FLVCR1: variants seen among roughly 807,000 people sequenced by gnomAD.
FLVCR1 encodes the protein FLVCR choline and heme transporter 1.
Under a neutral mutation model 53.6 loss-of-function variants are expected in FLVCR1, and 34 were observed. The observed-to-expected ratio is 0.63, with a 90% CI of 0.48 to 0.84. FLVCR1 has a LOEUF of 0.84. Ranked by LOEUF, FLVCR1 falls within the 40% of genes least tolerant of loss-of-function variation. The pLI, the probability that FLVCR1 is intolerant of heterozygous loss-of-function variation, is 0.00. For missense variants in FLVCR1, 677 were observed against 696.7 expected (o/e 0.97, Z 0.32); for synonymous variants, 300 against 286.3 (o/e 1.05, Z -0.48).
At chr1:212,881,301 C>CTTTTTTTTTTT (rs35751115) in intron 3 of FLVCR1, among the ~76,000 whole-genome samples, 2 of 119,682 alleles carry the variant, frequency 1.7e-5, no homozygotes, top group Non-Finnish European at 3.3e-5. Context: ...ATTTCTTTGT[C>CTTTTTTTTTTT]TTTTTTTTTT....
chr1:212,878,561 A>G (rs1260207149), intron 3 of FLVCR1, among the ~76,000 whole-genome samples: 2 of 151,154 alleles, frequency 1.3e-5, no homozygotes, highest in East Asian at 3.9e-4. Flanking sequence ...AAAATACAAG[A>G]GAACCTAGAG....
rs1664096106 is a variant in FLVCR1, at chr1:212,858,529, C to T, written c.77C>T (p.Pro26Leu). 2 of 1,460,838 alleles carry T rather than the reference C, an allele frequency of 1.4e-6. No homozygotes were observed. Among genetic ancestry groups the T allele is most frequent in the Admixed American group, 2.6e-5 (1 of 38,036 alleles). The allele number at this position is 1,460,838 out of a possible 1,614,324, so 90.5% of individuals were successfully genotyped here. A position where few individuals can be genotyped will look rare whatever the true frequency, so the allele number is the denominator to read the frequency against. ...HPLAKGYLPLPRGAPVGKESV... is the reference protein window; with the variant it reads ...HPLAKGYLPLLRGAPVGKESV... ...CTCGCGAAAGGATACCTCCCGTTGCCGAGGGGCGCGCCCGTTGGGAAGGAG... is the reference window on the plus strand; with the variant it reads ...CTCGCGAAAGGATACCTCCCGTTGCTGAGGGGCGCGCCCGTTGGGAAGGAG... The change falls in exon 1 of 10, where the codon CCG becomes CTG. Residue 26 changes from proline to leucine, a missense_variant. Transcript: ENST00000366971.
intron 3 of FLVCR1, among the ~76,000 whole-genome samples, chr1:212,877,787 A>C (rs1352300703): frequency 6.6e-6 from 1 of 150,666 alleles, no homozygotes; most frequent in African/African-American, 2.4e-5. Flanking sequence ...AAGACCCTAT[A>C]GCAAATATTA....
intron 3 of FLVCR1, among the ~76,000 whole-genome samples, chr1:212,875,753 A>G (rs1664735765): frequency 6.6e-6 from 1 of 151,418 alleles, no homozygotes; most frequent in East Asian, 2.0e-4. Context: ...AGGCAGGAGA[A>G]TCGCTTGAAC....
chr1:212,877,154 G>A (rs1316211350), intron 3 of FLVCR1, among the ~76,000 whole-genome samples: 4 of 70,862 alleles, frequency 5.6e-5, no homozygotes, highest in Non-Finnish European at 1.1e-4. Context: ...TTTTTTTTTT[G>A]AGAGAGAGTC....
At chr1:212,862,424 C>T (rs1558107134) in intron 1 of FLVCR1, among the ~76,000 whole-genome samples, 1 of 151,992 alleles carries the variant, frequency 6.6e-6, no homozygotes, top group Non-Finnish European at 1.5e-5. Flanking sequence ...TGGAATCATA[C>T]AGTAGGTGAC....
intron 3 of FLVCR1, among the ~76,000 whole-genome samples, chr1:212,873,064 G>A (rs531098483): frequency 6.6e-6 from 1 of 152,136 alleles, no homozygotes; most frequent in Non-Finnish European, 1.5e-5. Context: ...CCCAGCACTT[G>A]AGTTGGCCGA....
Position 212,859,007 on chromosome 1 carries a change from C to T in FLVCR1, c.555C>T (p.Cys185=), listed in dbSNP as rs903525615. ...CCCTGCTGGGCTCCGGCCTCAACTGCCTGGGTGCCTGGATCAAGTGCGGCA... is the reference window on the plus strand; with the variant it reads ...CCCTGCTGGGCTCCGGCCTCAACTGTCTGGGTGCCTGGATCAAGTGCGGCA... ...LTALLGSGLN[C]LGAWIKCGSV... is the part of the protein sequence containing the mutation. The change falls in exon 1 of 10, where the codon TGC becomes TGT. Residue 185 remains cysteine (C), a synonymous_variant. Transcript: ENST00000366971. The T allele has an allele frequency of 4.3e-6, 7 of 1,612,684 alleles. No individual in the cohort carries two copies. Among genetic ancestry groups the T allele is most frequent in the Non-Finnish European group, 5.1e-6 (6 of 1,178,824 alleles).
intron 3 of FLVCR1, among the ~76,000 whole-genome samples, chr1:212,873,451 C>T (rs1479231780): frequency 6.6e-6 from 1 of 152,164 alleles, no homozygotes; most frequent in East Asian, 1.9e-4. Flanking sequence ...ATGCTATCAA[C>T]AATACTTTTC....
At chr1:212,893,146 C>T (rs976279097) in intron 8 of FLVCR1, among the ~76,000 whole-genome samples, 28 of 151,698 alleles carry the variant, frequency 1.8e-4, no homozygotes, top group African/African-American at 6.8e-4. Context: ...AGCTCTGCCT[C>T]CCGGGTTCAG....
chr1:212,893,327 T>C (rs746511980), intron 8 of FLVCR1, among the ~76,000 whole-genome samples: 1 of 152,086 alleles, frequency 6.6e-6, no homozygotes, highest in Non-Finnish European at 1.5e-5. Flanking sequence ...AGTGCTGGGA[T>C]TACAGGTGTC....
chr1:212,863,140 C>T (rs570630116), intron 1 of FLVCR1, among the ~76,000 whole-genome samples: 8 of 152,220 alleles, frequency 5.3e-5, no homozygotes, highest in Non-Finnish European at 1.0e-4. Flanking sequence ...TTCTTATTCC[C>T]CTTTTGTAAG....
At chr1:212,865,031 G>C (rs920454060) in intron 2 of FLVCR1, among the ~76,000 whole-genome samples, 1 of 151,786 alleles carries the variant, frequency 6.6e-6, no homozygotes, top group African/African-American at 2.4e-5. Context: ...TGGCATATTT[G>C]TGATGTGCAG....
rs1491202805 is a variant in FLVCR1 at position 212,865,980 on chromosome 1, G to GT, written c.883+2111_883+2112insT. Reference sequence around the variant, plus strand: ...GGCATTTGGCTAATTTTTGGGGTTTGGTTTTTTTTTTTTTTTTTTTTTGAG... The same window carrying GT: ...GGCATTTGGCTAATTTTTGGGGTTTGTGTTTTTTTTTTTTTTTTTTTTTGAG... On this transcript the variant is annotated intron_variant, in intron 2 of 9. Transcript: ENST00000366971. Among the ~76,000 whole-genome samples, 56 of 32,122 alleles carry GT rather than the reference G, an allele frequency of 1.7e-3. 4 individuals carry two copies. In the East Asian group the frequency reaches 0.093, roughly 53 times the overall value. 21.1% of individuals were successfully genotyped at this position (32,122 alleles called of 152,430 possible).
At chr1:212,892,220 A>G (rs1191428225) in intron 8 of FLVCR1, among the ~76,000 whole-genome samples, 1 of 152,238 alleles carries the variant, frequency 6.6e-6, no homozygotes, top group East Asian at 1.9e-4. Flanking sequence ...ATAAACCACA[A>G]ATTTTCCATG....
intron 1 of FLVCR1, among the ~76,000 whole-genome samples, chr1:212,860,350 G>GTTTTTTTTTTTTTTTTTTGTTTTTTTTTT (rs1664190434): frequency 1.2e-5 from 1 of 85,824 alleles, no homozygotes; most frequent in Non-Finnish European, 2.4e-5. Flanking sequence ...TGTGTGTGTG[G>GTTTTTTTTTTTTTTTTTTGTTTTTTTTTT]TTTTTTTTTT....
chr1:212,882,370 CAA>C (rs1226565146), intron 3 of FLVCR1, among the ~76,000 whole-genome samples: 15 of 152,124 alleles, frequency 9.9e-5, no homozygotes, highest in East Asian at 5.8e-4. Flanking sequence ...TATAGTGTAA[CAA>C]GAGCAAGTTG....
At chr1:212,880,399 A>C (rs1193273137) in intron 3 of FLVCR1, among the ~76,000 whole-genome samples, 1 of 152,206 alleles carries the variant, frequency 6.6e-6, no homozygotes, top group Non-Finnish European at 1.5e-5. Context: ...TTATAAATCT[A>C]TGGTAATTAA....
chr1:212,858,490 C>A lies in FLVCR1; in HGVS notation c.38C>A (p.Ala13Glu), dbSNP rs1367649842. ...RPDDEEGAAV[A>E]PGHPLAKGYL... ...GACGATGAGGAGGGGGCGGCGGTGG[C>A]GCCCGGACACCCGCTCGCGAAAGGA... The change falls in exon 1 of 10, where the codon GCG becomes GAG. Residue 13 changes from alanine to glutamate, a missense_variant. By Grantham distance (107) the Ala-to-Glu change is moderately radical. Coordinates refer to ENST00000366971, the MANE Select transcript of FLVCR1 (RefSeq NM_014053.4). The A allele has an allele frequency of 1.4e-6, 2 of 1,444,864 alleles. No homozygotes were observed. Among genetic ancestry groups the A allele is most frequent in the Admixed American group, 2.8e-5 (1 of 35,760 alleles). The allele number at this position is 1,444,864 out of a possible 1,614,324, so 89.5% of individuals were successfully genotyped here.
Sources: allele counts gnomAD v4.1 joint callset (sites outside exome capture counted in the v4.1 genomes callset), GRCh38; gene constraint gnomAD v4.1.1; transcripts MANE v1.5; gene names NCBI Gene and HGNC (gene_info 2026-07-23, HGNC 2026-07-21).